Variants in XPC observed in about 807,000 individuals in gnomAD.
The protein encoded by XPC is DNA repair protein complementing XP-C cells.
XPC carries 76 observed loss-of-function variants against 95.8 expected under a neutral mutation model. The observed-to-expected ratio is 0.79, with a 90% CI of 0.66 to 0.96. The LOEUF (loss-of-function observed/expected upper bound fraction) is 0.96. XPC is among the 40% of genes least tolerant of loss of function. The pLI, the probability that XPC is intolerant of heterozygous loss-of-function variation, is 0.00. For missense variants in XPC, 1,146 were observed against 1,179.8 expected, an observed-to-expected ratio of 0.97 and a Z score of 0.42; for synonymous variants, 442 against 442.1, an observed-to-expected ratio of 1.00 and a Z score of 0.00.
chr3:14,148,896 T>TG lies in XPC; in HGVS notation c.2167dup (p.Gln723ProfsTer7). Reference sequence around the variant, plus strand: ...GCCCAGGTCATTTTCTTCCCGCAGCTGGGGCTCAGCAAGTCGGGCTTTCCG... The same window carrying TG: ...GCCCAGGTCATTTTCTTCCCGCAGCTGGGGGCTCAGCAAGTCGGGCTTTCCG... On this transcript the variant is annotated frameshift_variant, in exon 12 of 16. Transcript: ENST00000285021. LOFTEE classifies it high-confidence loss of function. 6.2e-7 allele frequency: 1 copy of TG among 1,613,982 alleles called. No individual in the cohort carries two copies. Among genetic ancestry groups the TG allele is most frequent in the Non-Finnish European group, 8.5e-7 (1 of 1,179,880 alleles).
In XPC at chr3:14,145,550, C is replaced by T. The variant is rs1213458747; in HGVS notation, c.*391G>A. 4 of 700,046 alleles carry T rather than the reference C, an allele frequency of 5.7e-6. No homozygotes were observed. The highest frequency in any genetic ancestry group is 2.7e-5 in the East Asian group (1 of 37,272). The allele number at this position is 700,046 out of a possible 1,614,324, so 43.4% of individuals were successfully genotyped here. On this transcript the variant is annotated 3_prime_UTR_variant, in exon 16 of 16. Transcript: ENST00000285021. ...GACTCTAACTGGAAGAAACGATCAG[C>T]GCATTCACGGATGCACCACCATCCA...
At chr3:14,177,485 G>A (rs1433084575) in intron 1 of XPC, among the ~76,000 whole-genome samples, 11 of 152,124 alleles carry the variant, frequency 7.2e-5, no homozygotes, top group Non-Finnish European at 1.2e-4. Flanking sequence ...TAGGCAGAAG[G>A]AACATCAAAG....
intron 10 of XPC, among the ~76,000 whole-genome samples, chr3:14,154,324 G>A (rs1695815172): frequency 6.6e-6 from 1 of 152,172 alleles, no homozygotes; most frequent in Non-Finnish European, 1.5e-5. Context: ...ACTGAAAGCA[G>A]AATCTTGAAG....
chr3:14,158,228 A>C lies in XPC; in HGVS notation c.1655T>G (p.Val552Gly), dbSNP rs1574961603. The change falls in exon 9 of 16, where the codon GTG becomes GGG. Residue 552 changes from valine to glycine, a missense_variant. Coordinates refer to ENST00000285021, the MANE Select transcript of XPC (RefSeq NM_004628.5). The surrounding 1 kb of genome is among the most constrained non-coding windows in gnomAD (Gnocchi z 5.2). ...WVCVDCVHGVVGQPLTCYKYA... is the reference protein window; with the variant it reads ...WVCVDCVHGVGGQPLTCYKYA... ...CTTGTAACAGGTCAGAGGCTGGCCCACCACACCGTGCACACAGTCTACACA... is the reference window on the plus strand; with the variant it reads ...CTTGTAACAGGTCAGAGGCTGGCCCCCCACACCGTGCACACAGTCTACACA... 1.2e-6 allele frequency: 2 copies of C among 1,613,980 alleles called. No homozygotes were observed. Among genetic ancestry groups the C allele is most frequent in the Non-Finnish European group, 8.5e-7 (1 of 1,179,880 alleles).
At chr3:14,160,040 T>C (rs1696107343) in intron 7 of XPC, 2 of 514,518 alleles carry the variant, frequency 3.9e-6, no homozygotes, top group East Asian at 6.6e-5. Context: ...GCTCATCATA[T>C]ATTAAAGGAA....
In XPC at chr3:14,158,408, C is replaced by T. The variant is rs2227999; in HGVS notation, c.1475G>A (p.Arg492His). 0.05 allele frequency: 81,331 copies of T among 1,613,866 alleles called. 2,337 individuals carry two copies. Among genetic ancestry groups the T allele is most frequent in the Non-Finnish European group, 0.057 (67,621 of 1,179,842 alleles). Residue 492 changes from arginine to histidine, a missense_variant, in exon 9 of 16, where the codon CGT becomes CAT. By Grantham distance (29) the Arg-to-His change is conservative (BLOSUM62 0). Transcript: ENST00000285021. The surrounding 1 kb of genome is among the most constrained non-coding windows in gnomAD (Gnocchi z 5.2). ...SASRTHRGSH[R>H]KDPSLPAASS... ...TGCCGCTGGCAAGCTTGGGTCCTTA[C>T]GATGGCTCCCACGATGGGTCCTGGA...
intron 2 of XPC, among the ~76,000 whole-genome samples, chr3:14,171,049 A>G (rs982218445): frequency 6.6e-6 from 1 of 152,234 alleles, no homozygotes; most frequent in Non-Finnish European, 1.5e-5. Flanking sequence ...AACTACACAT[A>G]GGTGAGTCAT....
chr3:14,164,755 G>A, intron 7 of XPC, 58 bp downstream of exon 7: 1 of 1,562,844 alleles, frequency 6.4e-7, no homozygotes, highest in Non-Finnish European at 8.7e-7. Context: ...GCACATGGCT[G>A]CCATTATCAT....
At chr3:14,166,203 TC>T (rs778450198) in intron 5 of XPC, among the ~76,000 whole-genome samples, 1 of 151,822 alleles carries the variant, frequency 6.6e-6, no homozygotes, top group Non-Finnish European at 1.5e-5. Context: ...ATTGGCTTCC[TC>T]CCCCCCGACT....
At chr3:14,153,010 A>G (rs948805108) in intron 10 of XPC, 1 of 152,240 alleles carries the variant, frequency 6.6e-6, no homozygotes, top group Non-Finnish European at 1.5e-5. Flanking sequence ...AGCTCACCAA[A>G]GCCGTGCAAA....
intron 10 of XPC, among the ~76,000 whole-genome samples, chr3:14,153,908 C>G (rs1695796633): frequency 6.6e-6 from 1 of 152,200 alleles, no homozygotes; most frequent in Non-Finnish European, 1.5e-5. Context: ...CACTCATGCT[C>G]CCACTGGGGG....
chr3:14,146,867 C>T (rs570766969), intron 15 of XPC, among the ~76,000 whole-genome samples: 1 of 152,314 alleles, frequency 6.6e-6, no homozygotes, highest in South Asian at 2.1e-4. Flanking sequence ...ACACCTGTGT[C>T]CAAGCCTGGC....
chr3:14,158,684 T>A lies in XPC; in HGVS notation c.1199A>T (p.Glu400Val). The change falls in exon 9 of 16, where the codon GAG (glutamate) becomes GTG (valine). Residue 400 changes from glutamate (E) to valine (V), a missense_variant. Transcript: ENST00000285021. The surrounding 1 kb of genome is among the most constrained non-coding windows in gnomAD (Gnocchi z 5.2). ...CTTGTCTCCTGGGCCCTCATCTTCCTCGCTGGAGGAGGGCTTGCTCCGTTT... is the reference window on the plus strand; with the variant it reads ...CTTGTCTCCTGGGCCCTCATCTTCCACGCTGGAGGAGGGCTTGCTCCGTTT... ...RKKRSKPSSS[E>V]EDEGPGDKQE... 1.2e-6 allele frequency: 2 copies of A among 1,613,888 alleles called. No individual in the cohort carries two copies. The highest frequency in any genetic ancestry group is 8.5e-7 in the Non-Finnish European group (1 of 1,179,884).
intron 2 of XPC, 26 bp downstream of exon 2, chr3:14,172,841 G>A (rs201104027): frequency 1.0e-5 from 16 of 1,597,090 alleles, no homozygotes; most frequent in African/African-American, 6.7e-5. Context: ...ATCAAGACCC[G>A]AGACAAAGCT....
Position 14,173,150 on chromosome 3 carries a change from T to C in XPC, c.104-88A>G, listed in dbSNP as rs56218055. On this transcript the variant is annotated intron_variant, in intron 1 of 15. Coordinates refer to ENST00000285021, the MANE Select transcript of XPC (RefSeq NM_004628.5). ...TGGGCAGGGGCATAAAACGGCTCTA[T>C]GACCTGTCTCCAAACCCCATCTCCA... is the stretch of plus-strand genomic sequence containing the variant. The C allele has an allele frequency of 1.8e-3, 2,335 of 1,321,880 alleles. 33 individuals carry two copies. The African/African-American group carries it at 0.025, about 14-fold the overall frequency. 81.9% of individuals were successfully genotyped at this position (1,321,880 alleles called of 1,614,324 possible). A position where few individuals can be genotyped will look rare whatever the true frequency, so the allele number is the denominator to read the frequency against.
intron 1 of XPC, among the ~76,000 whole-genome samples, chr3:14,177,636 T>C (rs1404153362): frequency 6.7e-6 from 1 of 150,372 alleles, no homozygotes; most frequent in Non-Finnish European, 1.5e-5. Flanking sequence ...TAGGCCAGGA[T>C]AAAACAACTG....
chr3:14,167,839 C>T (rs1696445842), intron 4 of XPC, among the ~76,000 whole-genome samples: 1 of 152,170 alleles, frequency 6.6e-6, no homozygotes, highest in Non-Finnish European at 1.5e-5. Flanking sequence ...CCACGGCGGG[C>T]ACTGCCTCAA....
Position 14,164,814 on chromosome 3 carries a change from T to C in XPC, c.899A>G (p.His300Arg). ...YSARDDEELV[H>R]IFLLILRALQ... ...CAGTGATCCGGGAGGATCACTTACA[T>C]GGACCAATTCCTCATCATCTCGAGC... The change falls in exon 7 of 16, where the codon CAT (histidine) becomes CGT (arginine). Residue 300 changes from histidine (H) to arginine (R), a missense_variant and splice_region_variant. Coordinates refer to ENST00000285021, the MANE Select transcript of XPC (RefSeq NM_004628.5). 1.9e-6 allele frequency: 3 copies of C among 1,613,000 alleles called. No individual in the cohort carries two copies. Among genetic ancestry groups the C allele is most frequent in the Non-Finnish European group, 2.5e-6 (3 of 1,179,524 alleles).
intron 7 of XPC, among the ~76,000 whole-genome samples, chr3:14,162,122 C>T (rs565545199): frequency 6.6e-6 from 1 of 152,078 alleles, no homozygotes; most frequent in East Asian, 1.9e-4. Flanking sequence ...CTGAAAATTA[C>T]AAAATACAGC....
Sources: allele counts gnomAD v4.1 joint callset (sites outside exome capture counted in the v4.1 genomes callset), GRCh38; gene constraint gnomAD v4.1.1; non-coding constraint Gnocchi (gnomAD v3.1); transcripts MANE v1.5; gene names NCBI Gene and HGNC (gene_info 2026-07-23, HGNC 2026-07-21).